The following CFH variants were observed in gnomAD, a reference collection of about 807,000 sequenced individuals.
CFH encodes the protein H factor 1 (complement).
CFH carries 53 observed loss-of-function variants against 147.3 expected under a neutral mutation model. The ratio of observed to expected loss-of-function variants is 0.36; its 90% CI spans 0.29 to 0.45. The LOEUF is 0.45. CFH is among the 20% of genes least tolerant of loss of function. The pLI, the probability that CFH is intolerant of heterozygous loss-of-function variation, is 1.00. For missense variants in CFH, 1,380 were observed against 1,498.0 expected (o/e 0.92, Z 1.30); for synonymous variants, 536 against 489.4 (o/e 1.10, Z -1.26).
At chr1:196,698,084 C>T (rs1326319162) in intron 9 of CFH, among the ~76,000 whole-genome samples, 4 of 151,708 alleles carry the variant, frequency 2.6e-5, no homozygotes, top group Non-Finnish European at 5.9e-5. Flanking sequence ...CAGCACACCA[C>T]CATGGCACAT....
chr1:196,664,833 C>CA (rs1667026736), intron 1 of CFH, among the ~76,000 whole-genome samples: 1 of 152,006 alleles, frequency 6.6e-6, no homozygotes, highest in African/African-American at 2.4e-5. Context: ...AAATATTTCA[C>CA]AAAATCTTTA....
rs201411537 is a variant in CFH, at chr1:196,725,160, T to C, written c.1736T>C (p.Val579Ala). The C allele has an allele frequency of 2.6e-5, 42 of 1,613,748 alleles. No individual in the cohort carries two copies. In the East Asian group the frequency reaches 9.4e-4, roughly 36 times the overall value. ...CTTCCTAAAATAGATGTACACTTAG[T>C]TCCTGATCGCAAGAAAGACCAGTAT... ...CELPKIDVHL[V>A]PDRKKDQYKV... Residue 579 changes from valine (V) to alanine (A), a missense_variant, in exon 12 of 22, where the codon GTT becomes GCT. Physicochemically the swap from Val to Ala is moderately conservative, Grantham distance 64. Around this residue, in one of 4 missense-constraint regions of CFH, gnomAD observed 830 missense variants for 821.4 expected, o/e 1.01. Coordinates refer to ENST00000367429, the MANE Select transcript of CFH (RefSeq NM_000186.4).
chr1:196,734,170 AGGCTG>A (rs569418161), intron 15 of CFH, among the ~76,000 whole-genome samples: 10 of 152,122 alleles, frequency 6.6e-5, no homozygotes, highest in Admixed American at 2.0e-4. Context: ...GCAGTGAACA[AGGCTG>A]GGGTCCATGC....
chr1:196,740,229 C>T (rs34557289), intron 17 of CFH, among the ~76,000 whole-genome samples: 1 of 152,134 alleles, frequency 6.6e-6, no homozygotes, highest in Non-Finnish European at 1.5e-5. Flanking sequence ...GTTTGCTTTG[C>T]CACTATGTTT....
intron 15 of CFH, among the ~76,000 whole-genome samples, chr1:196,732,116 T>C (rs985729460): frequency 4.6e-5 from 7 of 152,060 alleles, no homozygotes; most frequent in Non-Finnish European, 8.8e-5. Flanking sequence ...ATGGTGATAA[T>C]GCATACGTTA....
intron 10 of CFH, among the ~76,000 whole-genome samples, chr1:196,714,699 A>AGAGAGAGAGAGAGAGG (rs1668822904): frequency 8.2e-6 from 1 of 121,266 alleles, no homozygotes; most frequent in African/African-American, 3.2e-5. Context: ...AGAGAGAGAG[A>AGAGAGAGAGAGAGAGG]GAGAGAGAGA....
intron 9 of CFH, among the ~76,000 whole-genome samples, chr1:196,700,332 G>A (rs2149095809): frequency 6.6e-6 from 1 of 152,204 alleles, no homozygotes; most frequent in Admixed American, 6.5e-5. Context: ...TGCACAGCAG[G>A]CATACAAACC....
chr1:196,657,311 T>G (rs1666736066), intron 1 of CFH, among the ~76,000 whole-genome samples: 1 of 152,182 alleles, frequency 6.6e-6, no homozygotes, highest in African/African-American at 2.4e-5. Flanking sequence ...ATTTGAATAT[T>G]TCTTATTTTG....
At chr1:196,697,353 A>G (rs1668308423) in intron 9 of CFH, among the ~76,000 whole-genome samples, 1 of 152,236 alleles carries the variant, frequency 6.6e-6, no homozygotes, top group Admixed American at 6.5e-5. Context: ...AAGGATATGA[A>G]CAGACACTTC....
chr1:196,653,340 A>T (rs1453597881), intron 1 of CFH, among the ~76,000 whole-genome samples: 1 of 151,808 alleles, frequency 6.6e-6, no homozygotes, highest in Non-Finnish European at 1.5e-5. Context: ...TGTACATATA[A>T]ATATTATAAT....
chr1:196,657,799 T>G (rs1666755822), intron 1 of CFH, among the ~76,000 whole-genome samples: 1 of 151,968 alleles, frequency 6.6e-6, no homozygotes, highest in Non-Finnish European at 1.5e-5. Context: ...CTACTGTTTT[T>G]TATGCACAAA....
chr1:196,744,478 C>T (rs1250738988), intron 20 of CFH, among the ~76,000 whole-genome samples: 2 of 152,080 alleles, frequency 1.3e-5, no homozygotes, highest in Non-Finnish European at 2.9e-5. Flanking sequence ...TCCATTCTAT[C>T]TCTTTGTATA....
At chr1:196,740,974 T>G in intron 18 of CFH, 182 bp downstream of exon 18, 2 of 634,418 alleles carry the variant, frequency 3.2e-6, no homozygotes, top group East Asian at 5.7e-5. Context: ...GCCAAATTAG[T>G]TCATTTTCAC....
intron 17 of CFH, among the ~76,000 whole-genome samples, chr1:196,739,885 A>G (rs564124213): frequency 3.7e-4 from 57 of 152,322 alleles, no homozygotes; most frequent in Non-Finnish European, 5.0e-4. Context: ...TGCATAATTT[A>G]TAAAGGAAAG....
intron 9 of CFH, among the ~76,000 whole-genome samples, chr1:196,711,189 T>C (rs1457955673): frequency 6.6e-6 from 1 of 152,134 alleles, no homozygotes; most frequent in Non-Finnish European, 1.5e-5. Context: ...ATCTCTGATC[T>C]TTATTGTAGT....
intron 1 of CFH, among the ~76,000 whole-genome samples, chr1:196,666,650 A>G (rs1002792454): frequency 2.0e-5 from 3 of 151,628 alleles, no homozygotes; most frequent in African/African-American, 4.8e-5. Context: ...TACAAGAAAA[A>G]AAAACCCAAA....
Position 196,740,667 on chromosome 1 carries a change from A to C in CFH, c.2831A>C (p.His944Pro). Residue 944 changes from histidine to proline, a missense_variant, in exon 18 of 22, where the codon CAC (histidine) becomes CCC (proline). By Grantham distance (77) the His-to-Pro change is moderately conservative (BLOSUM62 -2). Coordinates refer to ENST00000367429, the MANE Select transcript of CFH (RefSeq NM_000186.4). Reference sequence around the variant, plus strand: ...GAGATTTCTCATGGTGTTGTAGCTCACATGTCAGACAGTTATCAGTATGGA... The same window carrying C: ...GAGATTTCTCATGGTGTTGTAGCTCCCATGTCAGACAGTTATCAGTATGGA... Reference protein sequence around the residue: ...PPEISHGVVAHMSDSYQYGEE... With the variant: ...PPEISHGVVAPMSDSYQYGEE... 6.2e-7 allele frequency: 1 copy of C among 1,613,980 alleles called. No individual in the cohort carries two copies. The highest frequency in any genetic ancestry group is 8.5e-7 in the Non-Finnish European group (1 of 1,179,966).
chr1:196,716,615 T>A (rs1668875433), intron 11 of CFH, among the ~76,000 whole-genome samples: 1 of 151,762 alleles, frequency 6.6e-6, no homozygotes, highest in African/African-American at 2.4e-5. Context: ...AGAGTGATGA[T>A]AGGGGAGGTG....
At chr1:196,666,294 T>A (rs1466113152) in intron 1 of CFH, among the ~76,000 whole-genome samples, 1 of 152,204 alleles carries the variant, frequency 6.6e-6, no homozygotes, top group Non-Finnish European at 1.5e-5. Context: ...CATTTAATGT[T>A]TTACTAGTTT....
Sources: gnomAD v4.1 joint callset for allele counts (sites outside exome capture counted in the v4.1 genomes callset) on GRCh38, gnomAD v4.1.1 for gene constraint, gnomAD v4.1.1 regional missense constraint, MANE v1.5 for transcripts, NCBI Gene and HGNC (gene_info 2026-07-23, HGNC 2026-07-21) for gene names.